MGAT4C: variants seen among roughly 807,000 people sequenced by gnomAD.
The protein encoded by MGAT4C is MGAT4 family member C, also known as alpha-1,3-mannosyl-glycoprotein 4-beta-N-acetylglucosaminyltransferase C.
A neutral mutation model predicts 40.1 loss-of-function variants in MGAT4C; 19 were observed. The ratio of observed to expected loss-of-function variants is 0.47; its 90% CI spans 0.33 to 0.70. The LOEUF (loss-of-function observed/expected upper bound fraction) is 0.70. Among genes scored for constraint, MGAT4C ranks in the 30% least tolerant of loss-of-function variants. The probability of loss-of-function intolerance (pLI) is 0.02; values close to 1 mark genes in which losing one functional copy is unlikely to be tolerated. For synonymous variants in MGAT4C, 181 were observed against 187.1 expected, an observed-to-expected ratio of 0.97 and a Z score of 0.27; for missense variants, 491 against 563.2, an observed-to-expected ratio of 0.87 and a Z score of 1.30.
At chr12:86,222,624 T>C (rs1420779712) in intron 1 of MGAT4C, among the ~76,000 whole-genome samples, 1 of 152,220 alleles carries the variant, frequency 6.6e-6, no homozygotes, top group Non-Finnish European at 1.5e-5. Context: ...TTCTTAATTT[T>C]AATCTCTTTA....
At chr12:86,446,846 C>T (rs1957350334) in intron 2 of MGAT4C, among the ~76,000 whole-genome samples, 1 of 150,458 alleles carries the variant, frequency 6.6e-6, no homozygotes, top group Non-Finnish European at 1.5e-5. Flanking sequence ...TAATACTAAC[C>T]CTACCTGTAT....
At chr12:86,297,062 G>A (rs1305584443) in intron 4 of MGAT4C, among the ~76,000 whole-genome samples, 1 of 152,196 alleles carries the variant, frequency 6.6e-6, no homozygotes, top group African/African-American at 2.4e-5. Flanking sequence ...TTTCCCTAGT[G>A]AAGTAAAGAA....
At chr12:86,111,016 T>C (rs1877289326) in intron 1 of MGAT4C, among the ~76,000 whole-genome samples, 1 of 151,818 alleles carries the variant, frequency 6.6e-6, no homozygotes, top group South Asian at 2.1e-4. Context: ...CATTTTAAAA[T>C]ATAAGCAGTA....
At chr12:86,184,798 G>T (rs942442439) in intron 1 of MGAT4C, among the ~76,000 whole-genome samples, 1 of 145,882 alleles carries the variant, frequency 6.9e-6, no homozygotes, top group African/African-American at 2.5e-5. Context: ...CCAGCCTCCT[G>T]CACTAGGCTC....
chr12:86,080,192 C>T (rs1254758419), intron 1 of MGAT4C, among the ~76,000 whole-genome samples: 5 of 152,058 alleles, frequency 3.3e-5, no homozygotes, highest in Non-Finnish European at 1.5e-5. Context: ...TGCATTTTGT[C>T]TCCTGTTGTA....
At chr12:86,078,156 A>C (rs141074699) in intron 1 of MGAT4C, among the ~76,000 whole-genome samples, 76 of 152,294 alleles carry the variant, frequency 5.0e-4, no homozygotes, top group African/African-American at 1.7e-3. Context: ...TGGGAGAAAC[A>C]ATATTATATA....
At chr12:86,406,394 C>T (rs1956475233) in intron 3 of MGAT4C, among the ~76,000 whole-genome samples, 1 of 151,704 alleles carries the variant, frequency 6.6e-6, no homozygotes, top group Non-Finnish European at 1.5e-5. Flanking sequence ...TCTCAAAACT[C>T]AACAAAGGAA....
At chr12:86,590,769 TCAG>T (rs1961300582) in intron 2 of MGAT4C, among the ~76,000 whole-genome samples, 1 of 151,986 alleles carries the variant, frequency 6.6e-6, no homozygotes, top group Admixed American at 6.6e-5. Flanking sequence ...AGTGGTACTT[TCAG>T]CAGAACTCCC....
intron 4 of MGAT4C, among the ~76,000 whole-genome samples, chr12:86,327,031 C>T (rs1179181497): frequency 2.0e-5 from 3 of 152,124 alleles, no homozygotes; most frequent in Non-Finnish European, 4.4e-5. Context: ...CCTACAATGA[C>T]TAAACTATAT....
chr12:86,647,577 G>T (rs557714127), intron 2 of MGAT4C, among the ~76,000 whole-genome samples: 5 of 151,882 alleles, frequency 3.3e-5, no homozygotes, highest in Admixed American at 2.6e-4. Context: ...ATGATTCCTA[G>T]GAAATTCTTC....
rs554695331 is a variant in MGAT4C, at chr12:86,468,312, ACTACACATC to A, written c.-228-33056_-228-33048del. Reference sequence around the variant, plus strand: ...TTTTTTTTCCTTTCCTTTTCACCTTACTACACATCCAGGCTACCATAAAATCTTTTTGAT... The same window carrying A: ...TTTTTTTTCCTTTCCTTTTCACCTTACAGGCTACCATAAAATCTTTTTGAT... On this transcript the variant is annotated intron_variant, in intron 2 of 7. Coordinates refer to the MGAT4C transcript ENST00000548651. 1.6e-3 allele frequency among the ~76,000 whole-genome samples: 239 copies of A among 151,808 alleles called. 1 individual carries two copies. Among genetic ancestry groups the A allele is most frequent in the African/African-American group, 5.7e-3 (235 of 41,396 alleles).
chr12:86,772,268 A>G (rs942434446), intron 1 of MGAT4C, among the ~76,000 whole-genome samples: 4 of 152,180 alleles, frequency 2.6e-5, no homozygotes, highest in Non-Finnish European at 4.4e-5. Flanking sequence ...ACGTCTGTGA[A>G]TTGCATGGTA....
chr12:86,609,790 A>T (rs1288106571), intron 2 of MGAT4C, among the ~76,000 whole-genome samples: 1 of 55,764 alleles, frequency 1.8e-5, no homozygotes, highest in African/African-American at 3.8e-5. Context: ...AGGCACTACC[A>T]GAAAAAAAAA....
At chr12:86,802,880 C>G (rs1489036542) in intron 1 of MGAT4C, among the ~76,000 whole-genome samples, 3 of 141,330 alleles carry the variant, frequency 2.1e-5, no homozygotes, top group Non-Finnish European at 3.1e-5. Flanking sequence ...CATCAAGCTA[C>G]CAATGCCTTT....
chr12:86,188,887 A>G (rs1889066335), intron 1 of MGAT4C, among the ~76,000 whole-genome samples: 1 of 151,940 alleles, frequency 6.6e-6, no homozygotes, highest in Non-Finnish European at 1.5e-5. Context: ...AGTAAATGCT[A>G]CATTTTAAAT....
rs181860007 is a variant in MGAT4C at position 86,235,051 on chromosome 12, T to A, written c.-57+21188A>T. ...TGCTTAGCCTTTTATTTTTTTCTTT[T>A]ACTTATAAAACAAACAAAACCTCTC... On this transcript the variant is annotated intron_variant, in intron 1 of 4. Transcript: ENST00000611864. 5.9e-3 allele frequency among the ~76,000 whole-genome samples: 904 copies of A among 152,240 alleles called. 5 individuals carry two copies. Among genetic ancestry groups the A allele is most frequent in the Middle Eastern group, 0.01 (3 of 294 alleles).
intron 1 of MGAT4C, among the ~76,000 whole-genome samples, chr12:86,199,864 T>C (rs1949973942): frequency 6.6e-6 from 1 of 152,126 alleles, no homozygotes; most frequent in Admixed American, 6.5e-5. Context: ...TTATACAATG[T>C]TTATAAATTA....
At chr12:86,255,903 A>T (rs1952496642) in intron 1 of MGAT4C, among the ~76,000 whole-genome samples, 1 of 152,154 alleles carries the variant, frequency 6.6e-6, no homozygotes, top group Non-Finnish European at 1.5e-5. Context: ...TAATAGAAAA[A>T]TATAGAGAAA....
intron 1 of MGAT4C, among the ~76,000 whole-genome samples, chr12:86,179,794 T>C (rs1887906700): frequency 6.6e-6 from 1 of 152,096 alleles, no homozygotes; most frequent in African/African-American, 2.4e-5. Flanking sequence ...AGCATTCCAT[T>C]TTAAAAGGGA....
Sources: gnomAD v4.1 joint callset for allele counts (sites outside exome capture counted in the v4.1 genomes callset) on GRCh38, gnomAD v4.1.1 for gene constraint, MANE v1.5 for transcripts, NCBI Gene and HGNC (gene_info 2026-07-23, HGNC 2026-07-21) for gene names.